GCN1: variants seen among roughly 807,000 people sequenced by gnomAD.
GCN1 encodes stalled ribosome sensor GCN1.
GCN1 carries 90 observed loss-of-function variants against 288.4 expected under a neutral mutation model. The observed-to-expected ratio is 0.31, with a 90% confidence interval of 0.26 to 0.37. GCN1 has a LOEUF of 0.37. GCN1 is among the 10% of genes least tolerant of loss of function. The pLI is 1.00. For synonymous variants in GCN1, 1,386 were observed against 1,420.2 expected (o/e 0.98, Z 0.54); for missense variants, 2,586 against 3,419.9 (o/e 0.76, Z 6.08).
At position 120,137,284 on chromosome 12, in the gene GCN1, T is replaced by C. The variant is rs746354070; in HGVS notation, c.6699A>G (p.Glu2233=). 28 of 1,614,004 alleles carry C rather than the reference T, an allele frequency of 1.7e-5. No individual in the cohort carries two copies. In the East Asian group the frequency reaches 5.8e-4, roughly 33 times the overall value. ...TGAGCCGGATTTCCTTGTGCAGCTC[T>C]TCAATGAGTGCCAACTGGTTGCCAG... ...LDAGNQLALI[E]ELHKEIRLIG... Residue 2233 remains glutamate, a synonymous_variant, in exon 50 of 58, where the codon GAA becomes GAG. Transcript: ENST00000300648. The surrounding 1 kb of genome is among the most constrained non-coding windows in gnomAD (Gnocchi z 5.2).
At chr12:120,187,438 ACTC>A (rs1878855950) in intron 2 of GCN1, among the ~76,000 whole-genome samples, 1 of 150,536 alleles carries the variant, frequency 6.6e-6, no homozygotes, top group African/African-American at 2.4e-5. Flanking sequence ...CTGGTCTTGA[ACTC>A]CTGACCTCAG....
rs1044289778 is a variant in GCN1, at chr12:120,177,740, C to T, written c.673G>A (p.Asp225Asn). The T allele has an allele frequency of 2.5e-6, 4 of 1,611,926 alleles. No homozygotes were observed. Among genetic ancestry groups the T allele is most frequent in the Non-Finnish European group, 3.4e-6 (4 of 1,178,144 alleles). Residue 225 changes from aspartate to asparagine, a missense_variant, in exon 8 of 58, where the codon GAC becomes AAC. By Grantham distance (23) the Asp-to-Asn change is conservative. Around this residue, in one of 8 missense-constraint regions of GCN1, gnomAD observed 913 missense variants for 1,107.0 expected, o/e 0.82. Coordinates refer to ENST00000300648, the MANE Select transcript of GCN1 (RefSeq NM_006836.2). ...VVSQHKSALLDFYMKNILMSK... is the reference protein window; with the variant it reads ...VVSQHKSALLNFYMKNILMSK... ...ATCAGGATGTTCTTCATGTAAAAGT[C>T]CAGTAGGGCGCTCTAGAGAACACAA... is the stretch of plus-strand genomic sequence containing the variant.
intron 8 of GCN1, 42 bp downstream of exon 8, chr12:120,177,642 G>T: frequency 6.4e-7 from 1 of 1,563,478 alleles, no homozygotes; most frequent in Non-Finnish European, 8.8e-7. Context: ...AATTGAAAAT[G>T]GGATCAGTTG....
chr12:120,180,945 G>A (rs1312550662), intron 5 of GCN1, among the ~76,000 whole-genome samples: 1 of 150,848 alleles, frequency 6.6e-6, no homozygotes, highest in Non-Finnish European at 1.5e-5. Flanking sequence ...AGCCGAGATT[G>A]CGCCTCACTG....
chr12:120,180,017 T>G (rs571210838), intron 5 of GCN1, among the ~76,000 whole-genome samples: 1 of 152,192 alleles, frequency 6.6e-6, no homozygotes, highest in East Asian at 1.9e-4. Flanking sequence ...TAAAAAAATC[T>G]CAGAGGCTGC....
At chr12:120,157,098 A>C (rs1489593381) in intron 26 of GCN1, 106 bp from the exon 27 acceptor site, 6 of 714,862 alleles carry the variant, frequency 8.4e-6, no homozygotes, top group Non-Finnish European at 1.2e-5. Context: ...ATTCTGGATC[A>C]TACAACCGGC....
At position 120,134,458 on chromosome 12, in the gene GCN1, C is replaced by T. The variant is rs1032712169; in HGVS notation, c.7203-53G>A. 4 of 1,592,750 alleles carry T rather than the reference C, an allele frequency of 2.5e-6. No individual in the cohort carries two copies. The highest frequency in any genetic ancestry group is 1.1e-5 in the South Asian group (1 of 90,686). ...CCTGGGTGCCTCCACCACCACCCCT[C>T]CTGCCAGCGCAGGCTCGGCCCACAG... On this transcript the variant is annotated intron_variant, in intron 52 of 57. Coordinates refer to ENST00000300648, the MANE Select transcript of GCN1 (RefSeq NM_006836.2). This position sits in a 1 kb window ranked among gnomAD's most constrained non-coding sequence, Gnocchi z 5.0.
chr12:120,183,468 C>T, intron 5 of GCN1, 101 bp downstream of exon 5: 2 of 770,830 alleles, frequency 2.6e-6, no homozygotes, highest in Non-Finnish European at 4.6e-6. Flanking sequence ...TCTGGTCACC[C>T]AGCACCCAGA....
At position 120,155,439 on chromosome 12, in the gene GCN1, G is replaced by A. The variant is rs769108855; in HGVS notation, c.3441-9C>T. 2 of 1,611,768 alleles carry A rather than the reference G, an allele frequency of 1.2e-6. No homozygotes were observed. The highest frequency in any genetic ancestry group is 1.3e-5 in the African/African-American group (1 of 74,900). On this transcript the variant is annotated splice_polypyrimidine_tract_variant and intron_variant, in intron 29 of 57. Coordinates refer to ENST00000300648, the MANE Select transcript of GCN1 (RefSeq NM_006836.2). This position sits in a 1 kb window ranked among gnomAD's most constrained non-coding sequence, Gnocchi z 4.9. ...CCATCATTGACCAGAGCCTGTGGGA[G>A]ATCCAAGGCAGGGGCTGCTTAGACA...
intron 46 of GCN1, 108 bp from the exon 47 acceptor site, chr12:120,138,523 C>A: frequency 2.0e-6 from 2 of 1,011,570 alleles, no homozygotes; most frequent in Non-Finnish European, 1.6e-6. Flanking sequence ...GTTGCACCCA[C>A]ATTTCCTCAC....
intron 38 of GCN1, among the ~76,000 whole-genome samples, chr12:120,146,093 C>T (rs760532106): frequency 6.6e-6 from 1 of 151,842 alleles, no homozygotes; most frequent in Non-Finnish European, 1.5e-5. Flanking sequence ...ATGGTTTCAC[C>T]CTGTCTCTAC....
rs1877476031 is a variant in GCN1, at chr12:120,149,652, G to A, written c.4500C>T (p.Pro1500=). 4 of 1,614,044 alleles carry A rather than the reference G, an allele frequency of 2.5e-6. No homozygotes were observed. Among genetic ancestry groups the A allele is most frequent in the Non-Finnish European group, 3.4e-6 (4 of 1,179,968 alleles). The change falls in exon 36 of 58, where the codon CCC becomes CCT. Residue 1500 remains proline, a synonymous_variant. Transcript: ENST00000300648. ...LSAHGVKLVL[P]SLLAALEEES... ...CCTCCTCCAGGGCAGCCAGTAAGGA[G>A]GGGAGCACCAGCTTCACCCCGTGAG...
intron 34 of GCN1, among the ~76,000 whole-genome samples, chr12:120,150,667 G>A (rs1877513932): frequency 6.6e-6 from 1 of 151,978 alleles, no homozygotes; most frequent in African/African-American, 2.4e-5. Context: ...GCCGGGCGCG[G>A]TGGTTCATGC....
At chr12:120,169,687 A>G (rs1159995206) in intron 15 of GCN1, among the ~76,000 whole-genome samples, 1 of 152,144 alleles carries the variant, frequency 6.6e-6, no homozygotes, top group African/African-American at 2.4e-5. Context: ...TACTTTTAGT[A>G]AAGACGGGGT....
chr12:120,174,789 C>CA (rs1212428710), intron 12 of GCN1, among the ~76,000 whole-genome samples: 3,254 of 29,818 alleles, frequency 0.11, 189 homozygotes, highest in Non-Finnish European at 0.14. Context: ...GACTCCATCT[C>CA]AAAAAAAAAA....
Position 120,138,833 on chromosome 12 carries a change from G to A in GCN1, c.6018C>T (p.Leu2006=), listed in dbSNP as rs61733796. ...RDAVLYFSES[L]VPTARKALCD... is the part of the protein sequence containing the mutation. ...ACAAAGCCTTCCTTGCCGTGGGCAC[G>A]AGGGATTCAGAGAAATACAGCACCT... The change falls in exon 46 of 58, where the codon CTC becomes CTT. Residue 2006 remains leucine, a synonymous_variant. Transcript: ENST00000300648. The A allele has an allele frequency of 4.9e-4, 798 of 1,612,898 alleles. 6 individuals are homozygous for A. In the African/African-American group the frequency reaches 8.1e-3, roughly 16 times the overall value.
rs767559580 is a variant in GCN1, at chr12:120,156,942, C to G, written c.3138G>C (p.Trp1046Cys). The G allele has an allele frequency of 6.2e-7, 1 of 1,613,200 alleles. No individual in the cohort carries two copies. Among genetic ancestry groups the G allele is most frequent in the Non-Finnish European group, 8.5e-7 (1 of 1,179,282 alleles). ...AGCGAGGCGAGCCCGTCCCGATCAC[C>G]CAAGTCAGAAGACGCAGCATGGCCA... ...PRVAMLRLLT[W>C]VIGTGSPRLQ... Residue 1046 changes from tryptophan to cysteine, a missense_variant, in exon 27 of 58, where the codon TGG (tryptophan) becomes TGC (cysteine). Trp to Cys is a radical substitution (Grantham distance 215). Around this residue, in one of 8 missense-constraint regions of GCN1, gnomAD observed 153 missense variants for 252.0 expected, o/e 0.61. Coordinates refer to ENST00000300648, the MANE Select transcript of GCN1 (RefSeq NM_006836.2). The surrounding 1 kb of genome is among the most constrained non-coding windows in gnomAD (Gnocchi z 5.8).
chr12:120,190,619 C>A (rs555250667), intron 1 of GCN1, among the ~76,000 whole-genome samples: 1 of 152,254 alleles, frequency 6.6e-6, no homozygotes, highest in South Asian at 2.1e-4. Context: ...AGCCCACCTT[C>A]CCCACCCGCC....
rs534929428 is a variant in GCN1, at chr12:120,136,053, A to T, written c.7008+449T>A. 2.6e-5 allele frequency among the ~76,000 whole-genome samples: 4 copies of T among 152,138 alleles called. No homozygotes were observed. The East Asian group carries it at 7.7e-4, about 29-fold the overall frequency. ...AAAACAAAACAAAAAACAAAAAAAA[A>T]CAAAAACTGCAATATCTTTAAACAA... is the stretch of plus-strand genomic sequence containing the variant. On this transcript the variant is annotated intron_variant, in intron 51 of 57. Transcript: ENST00000300648.
Sources: gnomAD v4.1 joint callset for allele counts (sites outside exome capture counted in the v4.1 genomes callset) on GRCh38, gnomAD v4.1.1 for gene constraint, gnomAD v4.1.1 regional missense constraint, Gnocchi (gnomAD v3.1) non-coding constraint, MANE v1.5 for transcripts, NCBI Gene and HGNC (gene_info 2026-07-23, HGNC 2026-07-21) for gene names.